The following ANKRD13C variants were observed in gnomAD, a reference collection of about 807,000 sequenced individuals.
ANKRD13C encodes ankyrin repeat domain 13C, also known as ankyrin repeat domain-containing protein 13C.
ANKRD13C carries 16 observed loss-of-function variants against 65.5 expected under a neutral mutation model. The ratio of observed to expected loss-of-function variants is 0.24; its 90% CI spans 0.17 to 0.37. The LOEUF (loss-of-function observed/expected upper bound fraction) is 0.37. ANKRD13C is among the 10% of genes least tolerant of loss of function. The probability of loss-of-function intolerance (pLI) is 1.00; values close to 1 mark genes in which losing one functional copy is unlikely to be tolerated. For synonymous variants in ANKRD13C, 235 were observed against 238.7 expected (o/e 0.98, Z 0.14); for missense variants, 503 against 655.9 (o/e 0.77, Z 2.55).
At chr1:70,272,031 G>A (rs1678904560) in intron 11 of ANKRD13C, among the ~76,000 whole-genome samples, 2 of 152,138 alleles carry the variant, frequency 1.3e-5, no homozygotes, top group Middle Eastern at 3.4e-3. Flanking sequence ...GCCATTTAGT[G>A]CTCAATTTAT....
At chr1:70,324,992 T>G in intron 2 of ANKRD13C, 35 bp from the exon 3 acceptor site, 1 of 1,455,196 alleles carries the variant, frequency 6.9e-7, no homozygotes, top group Non-Finnish European at 9.5e-7. Flanking sequence ...TCAAACATCA[T>G]GCAATTTTTA....
Position 70,354,310 on chromosome 1 carries a change from G to A in ANKRD13C, c.99C>T (p.Ala33=), listed in dbSNP as rs776337207. 5.6e-6 allele frequency: 9 copies of A among 1,613,852 alleles called. No individual in the cohort carries two copies. The highest frequency in any genetic ancestry group is 7.6e-6 in the Non-Finnish European group (9 of 1,179,970). Reference sequence around the variant, plus strand: ...TGCTTCTGGTAAAGGTACCGCCGAGGGCAGCCGCCGCTTCCTCATCCCCGG... The same window carrying A: ...TGCTTCTGGTAAAGGTACCGCCGAGAGCAGCCGCCGCTTCCTCATCCCCGG... ...LEPGDEEAAA[A]LGGTFTRSRI... Residue 33 remains alanine (A), a synonymous_variant, in exon 1 of 13, where the codon GCC becomes GCT. Coordinates refer to ENST00000370944, the MANE Select transcript of ANKRD13C (RefSeq NM_030816.5).
At chr1:70,268,414 G>A (rs1678726320) in intron 12 of ANKRD13C, among the ~76,000 whole-genome samples, 1 of 152,092 alleles carries the variant, frequency 6.6e-6, no homozygotes, top group African/African-American at 2.4e-5. Flanking sequence ...CACCTGCCTT[G>A]GCCTCCCAAA....
At chr1:70,349,856 C>A (rs1276059367) in intron 1 of ANKRD13C, among the ~76,000 whole-genome samples, 1 of 152,186 alleles carries the variant, frequency 6.6e-6, no homozygotes, top group East Asian at 1.9e-4. Flanking sequence ...ATACTCTTGG[C>A]CGGGCATGGT....
Position 70,306,249 on chromosome 1 carries a change from T to C in ANKRD13C, c.751A>G (p.Ile251Val), listed in dbSNP as rs985187999. 1.3e-6 allele frequency: 2 copies of C among 1,585,530 alleles called. No individual in the cohort carries two copies. The highest frequency in any genetic ancestry group is 1.7e-6 in the Non-Finnish European group (2 of 1,164,288). ...SRILPSDACK[I>V]YKQGINIRLD... ...CTGATATTGATACCTTGTTTGTATATTTTACATGCATCGGAAGGCAGAATT... is the reference window on the plus strand; with the variant it reads ...CTGATATTGATACCTTGTTTGTATACTTTACATGCATCGGAAGGCAGAATT... Residue 251 changes from isoleucine (I) to valine (V), a missense_variant, in exon 6 of 13, where the codon ATA becomes GTA. Transcript: ENST00000370944.
At chr1:70,279,892 G>A (rs1679311629) in intron 9 of ANKRD13C, among the ~76,000 whole-genome samples, 1 of 152,076 alleles carries the variant, frequency 6.6e-6, no homozygotes, top group African/African-American at 2.4e-5. Flanking sequence ...CTGTCTTTTG[G>A]TACGAGAGTC....
intron 1 of ANKRD13C, among the ~76,000 whole-genome samples, chr1:70,346,042 G>C (rs1009046161): frequency 6.6e-6 from 1 of 151,776 alleles, no homozygotes; most frequent in African/African-American, 2.4e-5. Flanking sequence ...ATGTTGACCA[G>C]GGTGGTCTCG....
chr1:70,279,819 T>C (rs190369097), intron 9 of ANKRD13C, among the ~76,000 whole-genome samples: 3 of 152,312 alleles, frequency 2.0e-5, no homozygotes, highest in Admixed American at 1.3e-4. Flanking sequence ...TTACTTTTCC[T>C]TGGGGTTTCT....
chr1:70,313,811 A>G (rs1219267731), intron 4 of ANKRD13C, 21 bp from the exon 5 acceptor site: 3 of 1,579,784 alleles, frequency 1.9e-6, no homozygotes, highest in African/African-American at 1.3e-5. Flanking sequence ...AAATATGAAT[A>G]ATTACTAAAT....
chr1:70,276,250 C>T (rs753636532), intron 10 of ANKRD13C, among the ~76,000 whole-genome samples: 9 of 152,066 alleles, frequency 5.9e-5, no homozygotes, highest in Non-Finnish European at 1.3e-4. Flanking sequence ...AGGCACTCTA[C>T]TGTTAGTAAT....
At chr1:70,317,812 T>C (rs148269415) in intron 3 of ANKRD13C, among the ~76,000 whole-genome samples, 16 of 152,268 alleles carry the variant, frequency 1.1e-4, no homozygotes, top group African/African-American at 3.8e-4. Flanking sequence ...TGGACCTCAG[T>C]TGAATGCAGA....
At chr1:70,327,089 T>C (rs1018203545) in intron 2 of ANKRD13C, among the ~76,000 whole-genome samples, 1 of 152,098 alleles carries the variant, frequency 6.6e-6, no homozygotes, top group Non-Finnish European at 1.5e-5. Flanking sequence ...GAATAGGATA[T>C]TCACATGGAA....
In ANKRD13C at chr1:70,292,461, T is replaced by A. The variant is rs1679902499; in HGVS notation, c.1142A>T (p.Glu381Val). Reference sequence around the variant, plus strand: ...GATGGCCTTATTTCGAAGAATATCCTCTTCACTGAGATGTTCTCTTCTTTT... The same window carrying A: ...GATGGCCTTATTTCGAAGAATATCCACTTCACTGAGATGTTCTCTTCTTTT... ...SRKRREHLSE[E>V]DILRNKAIME... Residue 381 changes from glutamate to valine, a missense_variant, in exon 9 of 13, where the codon GAG becomes GTG. By Grantham distance (121) the Glu-to-Val change is moderately radical. Coordinates refer to ENST00000370944, the MANE Select transcript of ANKRD13C (RefSeq NM_030816.5). 1 of 1,609,928 alleles carries A rather than the reference T, an allele frequency of 6.2e-7. No homozygotes were observed. Among genetic ancestry groups the A allele is most frequent in the Non-Finnish European group, 8.5e-7 (1 of 1,178,542 alleles).
rs887041722 is a variant in ANKRD13C at position 70,343,920 on chromosome 1, C to T, written c.431-7821G>A. Among the ~76,000 whole-genome samples the T allele has an allele frequency of 9.9e-5, 15 of 152,246 alleles. No individual in the cohort carries two copies. The East Asian group carries it at 2.7e-3, about 27-fold the overall frequency. On this transcript the variant is annotated intron_variant, in intron 1 of 12. Coordinates refer to ENST00000370944, the MANE Select transcript of ANKRD13C (RefSeq NM_030816.5). ...TTCCCAGCAGTTTGGAACACTGAGG[C>T]GGGAGGATTGCTTGAGCCCAAGGAA...
chr1:70,354,699 G>A lies in ANKRD13C; in HGVS notation c.-291C>T, dbSNP rs1322268501. 5 of 747,060 alleles carry A rather than the reference G, an allele frequency of 6.7e-6. No individual in the cohort carries two copies. The highest frequency in any genetic ancestry group is 8.5e-6 in the Non-Finnish European group (4 of 473,220). 46.3% of individuals were successfully genotyped at this position (747,060 alleles called of 1,614,324 possible). A position where few individuals can be genotyped will look rare whatever the true frequency, so the allele number is the denominator to read the frequency against. On this transcript the variant is annotated 5_prime_UTR_variant, in exon 1 of 13. Coordinates refer to ENST00000370944, the MANE Select transcript of ANKRD13C (RefSeq NM_030816.5). ...GTCGCTGCCTTACACCGAAAAACAG[G>A]GCACGGCCATCTTCCTCTTGCTCCT...
At chr1:70,269,610 T>C (rs1572019489) in intron 12 of ANKRD13C, among the ~76,000 whole-genome samples, 1 of 152,156 alleles carries the variant, frequency 6.6e-6, no homozygotes, top group South Asian at 2.1e-4. Flanking sequence ...TTTCTAACCA[T>C]TTCTGCCTAA....
chr1:70,286,683 T>C (rs1406090136), intron 9 of ANKRD13C, among the ~76,000 whole-genome samples: 3 of 152,112 alleles, frequency 2.0e-5, no homozygotes, highest in Non-Finnish European at 4.4e-5. Flanking sequence ...TCCTAAGTAA[T>C]ATACAAAAGA....
intron 9 of ANKRD13C, among the ~76,000 whole-genome samples, chr1:70,289,371 T>C (rs533535382): frequency 1.3e-5 from 2 of 152,274 alleles, no homozygotes; most frequent in African/African-American, 4.8e-5. Context: ...TGTACATAAA[T>C]CAGACCAGAA....
Position 70,262,373 on chromosome 1 carries a change from AGATAT to A in ANKRD13C, c.*339_*343del, listed in dbSNP as rs1427220800. 6.4e-6 allele frequency: 1 copy of A among 156,502 alleles called. No individual in the cohort carries two copies. The highest frequency in any genetic ancestry group is 2.4e-5 in the African/African-American group (1 of 41,528). 9.7% of individuals were successfully genotyped at this position (156,502 alleles called of 1,614,324 possible). Reference sequence around the variant, plus strand: ...GTGTTTTAGATATAGATATAGATATAGATATATTTATATGCATATATATTTCAACA... The same window carrying A: ...GTGTTTTAGATATAGATATAGATATAATTTATATGCATATATATTTCAACA... On this transcript the variant is annotated 3_prime_UTR_variant, in exon 13 of 13. Coordinates refer to ENST00000370944, the MANE Select transcript of ANKRD13C (RefSeq NM_030816.5).
Sources: gnomAD v4.1 joint callset for allele counts (sites outside exome capture counted in the v4.1 genomes callset) on GRCh38, gnomAD v4.1.1 for gene constraint, MANE v1.5 for transcripts, NCBI Gene and HGNC (gene_info 2026-07-23, HGNC 2026-07-21) for gene names.